The following MAP3K13 variants were observed in gnomAD, a reference collection of about 807,000 sequenced individuals.
MAP3K13 encodes mitogen-activated protein kinase kinase kinase 13.
A neutral mutation model predicts 104.0 loss-of-function variants in MAP3K13; 52 were observed. The ratio of observed to expected loss-of-function variants is 0.50; its 90% CI spans 0.40 to 0.63. The LOEUF is 0.63. MAP3K13 is among the 20% of genes least tolerant of loss of function. The probability of loss-of-function intolerance (pLI) is 0.00; values close to 1 mark genes in which losing one functional copy is unlikely to be tolerated. For missense variants in MAP3K13, 914 were observed against 1,218.5 expected, an observed-to-expected ratio of 0.75 and a Z score of 3.72; for synonymous variants, 394 against 442.2, an observed-to-expected ratio of 0.89 and a Z score of 1.37.
Position 185,473,482 on chromosome 3 carries a change from A to G in MAP3K13, c.2151A>G (p.Gln717=), listed in dbSNP as rs1403678405. The G allele has an allele frequency of 1.2e-6, 2 of 1,614,248 alleles. No homozygotes were observed. The highest frequency in any genetic ancestry group is 1.7e-5 in the Admixed American group (1 of 60,036). The change falls in exon 11 of 14, where the codon CAA becomes CAG. Residue 717 remains glutamine, a synonymous_variant. Transcript: ENST00000265026. This position sits in a 1 kb window ranked among gnomAD's most constrained non-coding sequence, Gnocchi z 4.9. Reference sequence around the variant, plus strand: ...GAAGTTCTGAGCCTGACAAGGGCCAAGCTGGTCCCTGGGGCTGTTGCCAGG... The same window carrying G: ...GAAGTTCTGAGCCTGACAAGGGCCAGGCTGGTCCCTGGGGCTGTTGCCAGG... ...CWRSSEPDKG[Q]AGPWGCCQAD...
chr3:185,283,178 C>G (rs747054428), intron 1 of MAP3K13: 1 of 152,460 alleles, frequency 6.6e-6, no homozygotes, highest in Admixed American at 6.5e-5. Context: ...GCATTAGACT[C>G]TCTGAGGGGT....
In MAP3K13 at chr3:185,355,372, C is replaced by T. The variant is rs531271991; in HGVS notation, c.-86+69729C>T. Among the ~76,000 whole-genome samples, 32 of 151,736 alleles carry T rather than the reference C, an allele frequency of 2.1e-4. 1 individual carries two copies. In the South Asian group the frequency reaches 4.8e-3, roughly 23 times the overall value. ...ATCCCAGCTACTCCAGAGGCTGAGG[C>T]AGGAGAATCACTTGAACCCGAGAGG... On this transcript the variant is annotated intron_variant, in intron 2 of 14. Coordinates refer to the MAP3K13 transcript ENST00000424227.
At chr3:185,467,166 ATATT>A (rs1277919754) in intron 10 of MAP3K13, among the ~76,000 whole-genome samples, 2 of 152,218 alleles carry the variant, frequency 1.3e-5, no homozygotes, top group Non-Finnish European at 2.9e-5. Flanking sequence ...TGTGGCATAA[ATATT>A]TATTGTCTTA....
intron 1 of MAP3K13, among the ~76,000 whole-genome samples, chr3:185,389,750 T>C (rs1711927073): frequency 6.6e-6 from 1 of 151,598 alleles, no homozygotes; most frequent in Admixed American, 6.6e-5. Context: ...TTTATGTGAG[T>C]TATATCGTCT....
intron 1 of MAP3K13, among the ~76,000 whole-genome samples, chr3:185,426,518 C>T (rs115861887): frequency 1.0e-3 from 152 of 152,098 alleles, no homozygotes; most frequent in African/African-American, 3.4e-3. Context: ...ATCCATAATC[C>T]GCAATATAAG....
intron 1 of MAP3K13, among the ~76,000 whole-genome samples, chr3:185,370,263 C>T (rs1235086831): frequency 6.6e-6 from 1 of 152,164 alleles, no homozygotes; most frequent in African/African-American, 2.4e-5. Context: ...GGCGTGATCT[C>T]AGCTCACTGC....
At chr3:185,300,047 T>C (rs961121814) in intron 2 of MAP3K13, among the ~76,000 whole-genome samples, 3 of 152,222 alleles carry the variant, frequency 2.0e-5, no homozygotes, top group Admixed American at 6.5e-5. Context: ...CTACTTCCCA[T>C]TTCTAAGAGT....
chr3:185,477,937 T>C (rs1337694677), intron 12 of MAP3K13, among the ~76,000 whole-genome samples: 1 of 152,098 alleles, frequency 6.6e-6, no homozygotes, highest in Non-Finnish European at 1.5e-5. Flanking sequence ...AAGGTCACAG[T>C]CTTATTGGAT....
chr3:185,293,251 G>A (rs1720808727), intron 2 of MAP3K13, among the ~76,000 whole-genome samples: 1 of 151,840 alleles, frequency 6.6e-6, no homozygotes, highest in Non-Finnish European at 1.5e-5. Context: ...CCGAGTAGCT[G>A]GGACTACAGG....
At chr3:185,357,090 G>A (rs1025449911) in intron 2 of MAP3K13, among the ~76,000 whole-genome samples, 3 of 150,356 alleles carry the variant, frequency 2.0e-5, no homozygotes, top group African/African-American at 5.0e-5. Context: ...AAGTTAGAGA[G>A]TTAAGAAGTT....
At chr3:185,455,035 ATGATATATATATGAGATATATG>A in intron 7 of MAP3K13, among the ~76,000 whole-genome samples, 1 of 113,270 alleles carries the variant, frequency 8.8e-6, no homozygotes, top group African/African-American at 3.2e-5. Context: ...TGAGATATAT[ATGATATATATATGAGATATATG>A]TGAGATATAT....
rs1378947156 is a variant in MAP3K13 at position 185,463,639 on chromosome 3, A to G, written c.1368A>G (p.Arg456=). Residue 456 remains arginine (R), a synonymous_variant, in exon 8 of 14, where the codon CGA becomes CGG. Transcript: ENST00000265026. ...ACCGGTTAGATGAAGAACTGATTCG[A>G]AGGCGCAGAGAAGAGCTCAGGTCAG... ...CIHRLDEELI[R]RRREELRHAL... 1.2e-5 allele frequency: 19 copies of G among 1,611,948 alleles called. No individual in the cohort carries two copies. Among genetic ancestry groups the G allele is most frequent in the Non-Finnish European group, 1.4e-5 (17 of 1,178,290 alleles).
chr3:185,427,522 C>T (rs1714496626), intron 1 of MAP3K13, among the ~76,000 whole-genome samples: 1 of 152,126 alleles, frequency 6.6e-6, no homozygotes, highest in Non-Finnish European at 1.5e-5. Context: ...AGAGCTAGGG[C>T]TTAGTTGTGT....
intron 1 of MAP3K13, among the ~76,000 whole-genome samples, chr3:185,369,802 A>T (rs546915405): frequency 2.1e-4 from 32 of 152,372 alleles, no homozygotes; most frequent in African/African-American, 7.5e-4. Context: ...TCTATCATTC[A>T]TCCATTTACC....
At position 185,482,641 on chromosome 3, in the gene MAP3K13, T is replaced by G. The variant is rs1275670099; in HGVS notation, c.*185T>G. 5 of 537,614 alleles carry G rather than the reference T, an allele frequency of 9.3e-6. No individual in the cohort carries two copies. Among genetic ancestry groups the G allele is most frequent in the Non-Finnish European group, 1.7e-5 (5 of 302,412 alleles). The allele number at this position is 537,614 out of a possible 1,614,324, so 33.3% of individuals were successfully genotyped here. The stretch of plus-strand genomic sequence containing the variant: ...GACTTCGCAAATCTCTGGAAAATAA[T>G]ATCCAAATGAAATTAAGTCTCACTG... On this transcript the variant is annotated 3_prime_UTR_variant, in exon 14 of 14. Coordinates refer to ENST00000265026, the MANE Select transcript of MAP3K13 (RefSeq NM_004721.5). This position sits in a 1 kb window ranked among gnomAD's most constrained non-coding sequence, Gnocchi z 4.5.
At position 185,367,286 on chromosome 3, in the gene MAP3K13, AT is replaced by A. The variant is rs1723934261; in HGVS notation, c.-86+3919del. On this transcript the variant is annotated intron_variant, in intron 1 of 13. Coordinates refer to ENST00000265026, the MANE Select transcript of MAP3K13 (RefSeq NM_004721.5). ...GAGATTTATATTTAATTGGTTTGTG[AT>A]GGGACCCAGTGATGATGTATTTTTA... Among the ~76,000 whole-genome samples the A allele has an allele frequency of 4.6e-5, 7 of 152,148 alleles. No homozygotes were observed. The South Asian group carries it at 1.4e-3, about 32-fold the overall frequency.
intron 2 of MAP3K13, among the ~76,000 whole-genome samples, chr3:185,430,813 T>A (rs2148884900): frequency 6.6e-6 from 1 of 152,332 alleles, no homozygotes; most frequent in Non-Finnish European, 1.5e-5. Flanking sequence ...TATTTGTGTA[T>A]GTGTGTGTAT....
chr3:185,463,440 G>C (rs1001749801), intron 7 of MAP3K13, 110 bp from the exon 8 acceptor site: 12 of 629,012 alleles, frequency 1.9e-5, no homozygotes, highest in Non-Finnish European at 3.5e-5. Context: ...TTCTGAAAAA[G>C]GCTCTTCAGT....
intron 7 of MAP3K13, among the ~76,000 whole-genome samples, chr3:185,455,171 G>T (rs866136502): frequency 2.1e-4 from 6 of 28,112 alleles, no homozygotes; most frequent in Non-Finnish European, 3.7e-4. Context: ...ATATATATGA[G>T]ATATATATGA....
Sources: gnomAD v4.1 joint callset for allele counts (sites outside exome capture counted in the v4.1 genomes callset) on GRCh38, gnomAD v4.1.1 for gene constraint, Gnocchi (gnomAD v3.1) non-coding constraint, MANE v1.5 for transcripts, NCBI Gene and HGNC (gene_info 2026-07-23, HGNC 2026-07-21) for gene names.